Variants in MVP observed in about 807,000 individuals in gnomAD.
MVP encodes the protein major vault protein.
Under a neutral mutation model 83.5 loss-of-function variants are expected in MVP, and 62 were observed. That is an observed-to-expected ratio of 0.74 (90% confidence interval 0.61 to 0.92). The LOEUF is 0.92. MVP is among the 40% of genes least tolerant of loss of function. MVP has a pLI of 0.00. For missense variants in MVP, 1,000 were observed against 1,203.4 expected (o/e 0.83, Z 2.50); for synonymous variants, 505 against 504.1 (o/e 1.00, Z -0.02).
At chr16:29,830,793 A>G (rs1054733584) in intron 2 of MVP, 85 bp from the exon 3 acceptor site, 1 of 1,571,252 alleles carries the variant, frequency 6.4e-7, no homozygotes, top group Non-Finnish European at 8.7e-7. Context: ...CTTGGGCGAT[A>G]GAGAGGTTTC....
In MVP at chr16:29,835,759, G is replaced by T. The variant is rs1567391453; in HGVS notation, c.633G>T (p.Glu211Asp). ...VGAYLPAVFEEVLDLVDAVIL... is the reference protein window; with the variant it reads ...VGAYLPAVFEDVLDLVDAVIL... ...CGTACCTCCCAGCGGTGTTTGAGGA[G>T]GTTCTGGATTTGGTGGACGCCGTCA... is the stretch of plus-strand genomic sequence containing the variant. Residue 211 changes from glutamate (E) to aspartate (D), a missense_variant, in exon 6 of 15, where the codon GAG becomes GAT. By Grantham distance (45) the Glu-to-Asp change is conservative. Coordinates refer to ENST00000357402, the MANE Select transcript of MVP (RefSeq NM_005115.5). 6.2e-7 allele frequency: 1 copy of T among 1,613,912 alleles called. No individual in the cohort carries two copies. Among genetic ancestry groups the T allele is most frequent in the Non-Finnish European group, 8.5e-7 (1 of 1,180,026 alleles).
At chr16:29,846,727 C>T (rs2067588763) in intron 13 of MVP, among the ~76,000 whole-genome samples, 1 of 152,124 alleles carries the variant, frequency 6.6e-6, no homozygotes. Flanking sequence ...GGTATGGTGG[C>T]ATGTGTCTGT....
chr16:29,840,483 G>A, intron 8 of MVP, 24 bp downstream of exon 8: 2 of 1,547,184 alleles, frequency 1.3e-6, no homozygotes, highest in Non-Finnish European at 1.8e-6. Context: ...GTGAGCAGCA[G>A]TGCTGCCACG....
At position 29,836,869 on chromosome 16, in the gene MVP, A is replaced by G. The variant is rs772144926; in HGVS notation, c.820A>G (p.Thr274Ala). 1 of 1,613,910 alleles carries G rather than the reference A, an allele frequency of 6.2e-7. No homozygotes were observed. The highest frequency in any genetic ancestry group is 1.7e-5 in the Admixed American group (1 of 59,992). ...GGAGGTGCTGGGGGTTGTGCCCATC[A>G]CCACCCTGGGCCCCCACAACTACTG... ...HEEVLGVVPI[T>A]TLGPHNYCVI... The change falls in exon 7 of 15, where the codon ACC becomes GCC. Residue 274 changes from threonine to alanine, a missense_variant. By Grantham distance (58) the Thr-to-Ala change is moderately conservative. Transcript: ENST00000357402.
intron 1 of MVP, among the ~76,000 whole-genome samples, chr16:29,821,943 G>T (rs1031588085): frequency 6.6e-6 from 1 of 152,272 alleles, no homozygotes; most frequent in East Asian, 1.9e-4. Context: ...TTCCAGCCTA[G>T]GGCTGGATGC....
chr16:29,847,321 A>C lies in MVP; in HGVS notation c.2390A>C (p.Gln797Pro). 6 of 1,609,806 alleles carry C rather than the reference A, an allele frequency of 3.7e-6. No individual in the cohort carries two copies. The highest frequency in any genetic ancestry group is 5.1e-6 in the Non-Finnish European group (6 of 1,178,498). ...LAEVEVKKFK[Q>P]MTEAIGPSTI... ...GAGGTGGAGGTGAAGAAGTTCAAGCAGATGACAGAGGCCATAGGCCCCAGC... is the reference window on the plus strand; with the variant it reads ...GAGGTGGAGGTGAAGAAGTTCAAGCCGATGACAGAGGCCATAGGCCCCAGC... The change falls in exon 14 of 15, where the codon CAG becomes CCG. Residue 797 changes from glutamine (Q) to proline (P), a missense_variant. Gln to Pro is a moderately conservative substitution (Grantham distance 76). Transcript: ENST00000357402.
At chr16:29,826,101 C>G (rs570206217) in intron 1 of MVP, 1 of 152,342 alleles carries the variant, frequency 6.6e-6, no homozygotes, top group African/African-American at 2.4e-5. Context: ...AGGTGGGGAG[C>G]CCCCAGCACT....
chr16:29,845,540 T>C (rs2067577001), intron 11 of MVP, among the ~76,000 whole-genome samples: 2 of 152,196 alleles, frequency 1.3e-5, no homozygotes, highest in African/African-American at 2.4e-5. Context: ...GGGAACACTT[T>C]TCTTTCTCTC....
intron 1 of MVP, among the ~76,000 whole-genome samples, chr16:29,820,715 G>A (rs984075787): frequency 5.3e-5 from 8 of 152,122 alleles, no homozygotes; most frequent in Non-Finnish European, 8.8e-5. Context: ...AGTCTTCTGG[G>A]TTTTGAAGTA....
chr16:29,846,145 G>A lies in MVP; in HGVS notation c.2139-13G>A. On this transcript the variant is annotated splice_polypyrimidine_tract_variant and intron_variant, in intron 12 of 14. Transcript: ENST00000357402. ...TGTCTCCCGGGTCTTACCTGACTCTGCCTTCTCCCCAGCATGGCCGTGGAG... is the reference window on the plus strand; with the variant it reads ...TGTCTCCCGGGTCTTACCTGACTCTACCTTCTCCCCAGCATGGCCGTGGAG... 4 of 1,607,640 alleles carry A rather than the reference G, an allele frequency of 2.5e-6. No individual in the cohort carries two copies. Among genetic ancestry groups the A allele is most frequent in the Non-Finnish European group, 3.4e-6 (4 of 1,176,508 alleles).
At chr16:29,839,606 C>T (rs1314607014) in intron 7 of MVP, among the ~76,000 whole-genome samples, 6 of 151,612 alleles carry the variant, frequency 4.0e-5, no homozygotes, top group African/African-American at 1.5e-4. Flanking sequence ...AGCATGGCAA[C>T]ACCCCATCAT....
chr16:29,844,696 G>T lies in MVP; in HGVS notation c.1838G>T (p.Gly613Val). ...GGCTTTGAGACCTCGGAAGCGAAGG[G>T]CCCCGATGGCATGGCCCTGCCCAGG... ...VFGFETSEAK[G>V]PDGMALPRPR... Residue 613 changes from glycine to valine, a missense_variant, in exon 11 of 15, where the codon GGC (glycine) becomes GTC (valine). By Grantham distance (109) the Gly-to-Val change is moderately radical. Transcript: ENST00000357402. 6.2e-7 allele frequency: 1 copy of T among 1,614,000 alleles called. No homozygotes were observed. The highest frequency in any genetic ancestry group is 1.3e-5 in the African/African-American group (1 of 75,068).
chr16:29,824,267 G>C (rs11863748), intron 1 of MVP, among the ~76,000 whole-genome samples: 23,461 of 145,412 alleles, frequency 0.16, 2,040 homozygotes, highest in African/African-American at 0.23. Flanking sequence ...CCAGTGTGCA[G>C]CCCGAGCCGA....
intron 11 of MVP, 89 bp from the exon 12 acceptor site, chr16:29,845,774 A>T: frequency 9.0e-7 from 1 of 1,112,200 alleles, no homozygotes; most frequent in Non-Finnish European, 1.3e-6. Flanking sequence ...TGTCCTGGGC[A>T]CCGGTTTGGT....
chr16:29,829,215 G>C (rs543277194), intron 1 of MVP, among the ~76,000 whole-genome samples: 1 of 151,582 alleles, frequency 6.6e-6, no homozygotes, highest in Admixed American at 6.6e-5. Flanking sequence ...GGCCAGGTGT[G>C]ATGGCTCGCC....
chr16:29,844,844 C>T lies in MVP; in HGVS notation c.1986C>T (p.Ile662=), dbSNP rs765565745. 13 of 1,605,368 alleles carry T rather than the reference C, an allele frequency of 8.1e-6. No homozygotes were observed. The highest frequency in any genetic ancestry group is 7.7e-5 in the South Asian group (7 of 91,028). ...TGCAACGCAGCGTCCAGCTGGCCAT[C>T]GAGATCACCACCAACTCCCAGGAAG... ...DALQRSVQLA[I]EITTNSQEAA... Residue 662 remains isoleucine, a synonymous_variant, in exon 11 of 15, where the codon ATC becomes ATT. Coordinates refer to ENST00000357402, the MANE Select transcript of MVP (RefSeq NM_005115.5).
chr16:29,839,881 C>T (rs973396288), intron 7 of MVP, among the ~76,000 whole-genome samples: 1 of 150,568 alleles, frequency 6.6e-6, no homozygotes, highest in Non-Finnish European at 1.5e-5. Flanking sequence ...GAAAACAAAG[C>T]CTGGGAGAAA....
At chr16:29,835,639 G>T (rs892468444) in intron 5 of MVP, 65 bp from the exon 6 acceptor site, 3 of 1,337,726 alleles carry the variant, frequency 2.2e-6, no homozygotes, top group African/African-American at 1.4e-5. Flanking sequence ...TCTAAGCTGT[G>T]GGGGAGGGGT....
intron 5 of MVP, chr16:29,835,145 T>C (rs1446453626): frequency 6.6e-6 from 1 of 152,384 alleles, no homozygotes; most frequent in Non-Finnish European, 1.5e-5. Context: ...TCCACAACTC[T>C]AACAGAGGCA....
Sources: gnomAD v4.1 joint callset for allele counts (sites outside exome capture counted in the v4.1 genomes callset) on GRCh38, gnomAD v4.1.1 for gene constraint, MANE v1.5 for transcripts, NCBI Gene and HGNC (gene_info 2026-07-23, HGNC 2026-07-21) for gene names.